The following PTCH1 variants were observed in gnomAD, a reference collection of about 807,000 sequenced individuals.
PTCH1 encodes the protein protein patched homolog 1.
Under a neutral mutation model 144.6 loss-of-function variants are expected in PTCH1, and 14 were observed. That is an observed-to-expected ratio of 0.10 (90% confidence interval 0.06 to 0.15). The LOEUF is 0.15. Among genes scored for constraint, PTCH1 ranks in the 10% least tolerant of loss-of-function variants. The pLI is 1.00. For missense variants in PTCH1, 1,623 were observed against 1,948.3 expected (o/e 0.83, Z 3.14); for synonymous variants, 833 against 793.6 (o/e 1.05, Z -0.83).
chr9:95,485,010 A>G (rs1012414011), intron 3 of PTCH1, among the ~76,000 whole-genome samples: 1 of 152,124 alleles, frequency 6.6e-6, no homozygotes, highest in African/African-American at 2.4e-5. Flanking sequence ...GTTCGAGACT[A>G]GCCTGGCCAA....
chr9:95,500,508 G>A (rs1843080448), intron 2 of PTCH1, among the ~76,000 whole-genome samples: 2 of 152,190 alleles, frequency 1.3e-5, no homozygotes, highest in South Asian at 4.1e-4. Context: ...GAAAGGAGCT[G>A]CATTTTTCTT....
chr9:95,507,578 T>C (rs564374068), intron 1 of PTCH1: 379 of 417,452 alleles, frequency 9.1e-4, no homozygotes, highest in Non-Finnish European at 1.2e-3. Context: ...GGGGGGGATA[T>C]CTTTTTCCGA....
rs146131736 is a variant in PTCH1 at position 95,444,685 on chromosome 9, G to A, written c.*1708C>T. The A allele has an allele frequency of 1.4e-3, 219 of 152,350 alleles. 4 individuals carry two copies. In the East Asian group the frequency reaches 0.04, roughly 28 times the overall value. 9.4% of individuals were successfully genotyped at this position (152,350 alleles called of 1,614,324 possible). ...AAGGGAGTAACAGGAGCTGCCACTC[G>A]TGAGCGCCTCACAGTAGCTTAGGCT... is the stretch of plus-strand genomic sequence containing the variant. On this transcript the variant is annotated 3_prime_UTR_variant, in exon 24 of 24. Transcript: ENST00000331920.
chr9:95,480,276 G>A, intron 6 of PTCH1, 114 bp downstream of exon 6: 1 of 1,537,034 alleles, frequency 6.5e-7, no homozygotes. Context: ...CATAGACAAA[G>A]ACGATCATGG....
Position 95,458,373 on chromosome 9 carries a change from T to C in PTCH1, c.2888-80A>G. 2 of 1,522,478 alleles carry C rather than the reference T, an allele frequency of 1.3e-6. No individual in the cohort carries two copies. The highest frequency in any genetic ancestry group is 1.8e-6 in the Non-Finnish European group (2 of 1,118,424). 94.3% of individuals were successfully genotyped at this position (1,522,478 alleles called of 1,614,324 possible). ...TTTCAATGGAAAGAGAGAAGAACTTTGCATGAAAGCTTACTGACTGCTCTT... is the reference window on the plus strand; with the variant it reads ...TTTCAATGGAAAGAGAGAAGAACTTCGCATGAAAGCTTACTGACTGCTCTT... On this transcript the variant is annotated intron_variant, in intron 17 of 23. Coordinates refer to ENST00000331920, the MANE Select transcript of PTCH1 (RefSeq NM_000264.5). The surrounding 1 kb of genome is among the most constrained non-coding windows in gnomAD (Gnocchi z 4.7).
At chr9:95,511,502 G>A (rs1272498210), upstream of PTCH1, among the ~76,000 whole-genome samples, 1 of 152,188 alleles carries the variant, frequency 6.6e-6, no homozygotes, top group East Asian at 1.9e-4. Flanking sequence ...CGCGGGATCC[G>A]GAGGGGGACC....
chr9:95,456,990 A>G (rs1228200083), intron 18 of PTCH1, among the ~76,000 whole-genome samples: 1 of 152,180 alleles, frequency 6.6e-6, no homozygotes, highest in East Asian at 1.9e-4. Context: ...GGTCGTCATC[A>G]GCTGACGCTG....
chr9:95,500,185 G>C (rs903908325), intron 2 of PTCH1, among the ~76,000 whole-genome samples: 6 of 152,104 alleles, frequency 3.9e-5, no homozygotes, highest in African/African-American at 1.4e-4. Context: ...GAACCTCTGA[G>C]CGGCATCCTA....
At chr9:95,505,749 ATTTT>A (rs769549813) in intron 2 of PTCH1, among the ~76,000 whole-genome samples, 67 of 147,958 alleles carry the variant, frequency 4.5e-4, no homozygotes, top group Non-Finnish European at 6.7e-4. Flanking sequence ...GTGCCTTACT[ATTTT>A]TTTTTCCACT....
chr9:95,481,875 CAA>C, intron 5 of PTCH1, 72 bp downstream of exon 5: 1 of 1,322,452 alleles, frequency 7.6e-7, no homozygotes, highest in Non-Finnish European at 1.1e-6. Context: ...ATGGAACAAA[CAA>C]TGATAAGCAA....
rs2118329828 is a variant in PTCH1 at position 95,478,069 on chromosome 9, C to T, written c.1333G>A (p.Gly445Ser). 7 of 1,614,156 alleles carry T rather than the reference C, an allele frequency of 4.3e-6. No homozygotes were observed. Among genetic ancestry groups the T allele is most frequent in the East Asian group, 2.2e-5 (1 of 44,890 alleles). The change falls in exon 9 of 24, where the codon GGC becomes AGC. Residue 445 changes from glycine to serine, a missense_variant. By Grantham distance (56) the Gly-to-Ser change is moderately conservative (BLOSUM62 0). Transcript: ENST00000331920. ...SDVSVIRVASGYLLMLAYACL... is the reference protein window; with the variant it reads ...SDVSVIRVASSYLLMLAYACL... ...TCGAGCGTTACCATGAGTAAGTAGCCGCTGGCCACGCGGATGACACTGACG... is the reference window on the plus strand; with the variant it reads ...TCGAGCGTTACCATGAGTAAGTAGCTGCTGGCCACGCGGATGACACTGACG...
At chr9:95,516,792 A>G in exon 1 of PTCH1, 3 of 1,611,880 alleles carry the variant, frequency 1.9e-6, no homozygotes, top group Non-Finnish European at 2.5e-6. Context: ...ACTCACAATT[A>G]CAAGCCTGTT....
Position 95,449,436 on chromosome 9 carries a change from T to G in PTCH1, c.3550-113A>C. 7.0e-7 allele frequency: 1 copy of G among 1,428,340 alleles called. No homozygotes were observed. Among genetic ancestry groups the G allele is most frequent in the Non-Finnish European group, 9.5e-7 (1 of 1,049,656 alleles). 88.5% of individuals were successfully genotyped at this position (1,428,340 alleles called of 1,614,324 possible). Reference sequence around the variant, plus strand: ...GCCTCTGTTCCCTGCCCTGGGGCCCTGCGCACTGTGCCGTATTAACCTCCC... The same window carrying G: ...GCCTCTGTTCCCTGCCCTGGGGCCCGGCGCACTGTGCCGTATTAACCTCCC... On this transcript the variant is annotated intron_variant, in intron 21 of 23. Coordinates refer to ENST00000331920, the MANE Select transcript of PTCH1 (RefSeq NM_000264.5). The surrounding 1 kb of genome is among the most constrained non-coding windows in gnomAD (Gnocchi z 5.3).
At chr9:95,456,185 G>T in intron 19 of PTCH1, 91 bp downstream of exon 19, 8 of 1,544,844 alleles carry the variant, frequency 5.2e-6, no homozygotes, top group Non-Finnish European at 6.9e-6. Flanking sequence ...CCACGCACAG[G>T]GAGAATGCAA....
intron 2 of PTCH1, among the ~76,000 whole-genome samples, chr9:95,498,935 A>G (rs1842963182): frequency 6.6e-6 from 1 of 152,184 alleles, no homozygotes; most frequent in South Asian, 2.1e-4. Flanking sequence ...AAGGAATTCC[A>G]TCGTCTTCAA....
At chr9:95,480,120 G>A (rs1442796329) in intron 6 of PTCH1, 30 bp from the exon 7 acceptor site, 3 of 1,613,526 alleles carry the variant, frequency 1.9e-6, no homozygotes, top group Non-Finnish European at 2.5e-6. Context: ...ACATAATTAT[G>A]GGAATTAGTA....
rs1228360314 is a variant in PTCH1 at position 95,506,349 on chromosome 9, T to C, written c.394+58A>G. 7.0e-6 allele frequency: 11 copies of C among 1,565,946 alleles called. No individual in the cohort carries two copies. In the East Asian group the frequency reaches 2.0e-4, roughly 29 times the overall value. On this transcript the variant is annotated intron_variant, in intron 2 of 23. Transcript: ENST00000331920. The stretch of plus-strand genomic sequence containing the variant: ...CTAGGTGTGCGCTGGCGAATATCTC[T>C]ATCAACCGCGAGGAGGGACCGGGCC...
At chr9:95,496,719 C>A (rs926239097) in intron 2 of PTCH1, among the ~76,000 whole-genome samples, 1 of 151,878 alleles carries the variant, frequency 6.6e-6, no homozygotes, top group African/African-American at 2.4e-5. Flanking sequence ...ATGATGGTAT[C>A]ATATTTATCA....
rs1843940650 is a variant in PTCH1, at chr9:95,508,553, T to C, written c.-192A>G. 3.0e-6 allele frequency: 3 copies of C among 1,006,466 alleles called. No individual in the cohort carries two copies. The highest frequency in any genetic ancestry group is 9.3e-5 in the East Asian group (1 of 10,804). 62.3% of individuals were successfully genotyped at this position (1,006,466 alleles called of 1,614,324 possible). A position where few individuals can be genotyped will look rare whatever the true frequency, so the allele number is the denominator to read the frequency against. On this transcript the variant is annotated 5_prime_UTR_variant, in exon 1 of 24. Coordinates refer to ENST00000331920, the MANE Select transcript of PTCH1 (RefSeq NM_000264.5). ...CTGCTGCTCACACGGCGGGCGCTGCTGCCGCTGCGGCCGCGGCCGCTGCCG... is the reference window on the plus strand; with the variant it reads ...CTGCTGCTCACACGGCGGGCGCTGCCGCCGCTGCGGCCGCGGCCGCTGCCG...
Sources: allele counts gnomAD v4.1 joint callset (sites outside exome capture counted in the v4.1 genomes callset), GRCh38; gene constraint gnomAD v4.1.1; non-coding constraint Gnocchi (gnomAD v3.1); transcripts MANE v1.5; gene names NCBI Gene and HGNC (gene_info 2026-07-23, HGNC 2026-07-21).